The following PCDHA4 variants were observed in gnomAD, a reference collection of about 807,000 sequenced individuals.
PCDHA4 encodes the protein protocadherin alpha-4.
A neutral mutation model predicts 61.4 loss-of-function variants in PCDHA4; 49 were observed. The observed-to-expected ratio is 0.80, with a 90% CI of 0.63 to 1.01. The LOEUF (loss-of-function observed/expected upper bound fraction) is 1.01. PCDHA4 is among the 50% of genes least tolerant of loss of function. The probability of loss-of-function intolerance (pLI) is 0.00; values close to 1 mark genes in which losing one functional copy is unlikely to be tolerated. For synonymous variants in PCDHA4, 590 were observed against 550.3 expected, an observed-to-expected ratio of 1.07 and a Z score of -1.01; for missense variants, 1,254 against 1,235.8, an observed-to-expected ratio of 1.01 and a Z score of -0.22.
intron 1 of PCDHA4, chr5:140,968,943 T>G (rs1429261485): frequency 1.2e-6 from 2 of 1,614,128 alleles, no homozygotes; most frequent in Non-Finnish European, 1.7e-6. Context: ...ATCATCATTT[T>G]GAGCATCATC....
At chr5:140,947,086 CTG>C (rs1554218047) in intron 1 of PCDHA4, among the ~76,000 whole-genome samples, 1 of 151,518 alleles carries the variant, frequency 6.6e-6, no homozygotes, top group African/African-American at 2.4e-5. Context: ...AAACATCAGA[CTG>C]TAGCCCATAA....
At chr5:140,854,909 G>T (rs1295662316) in intron 1 of PCDHA4, among the ~76,000 whole-genome samples, 1 of 149,376 alleles carries the variant, frequency 6.7e-6, no homozygotes, top group Non-Finnish European at 1.5e-5. Flanking sequence ...AATATAACAG[G>T]GTTGAAAGCA....
intron 1 of PCDHA4, chr5:140,830,224 G>A (rs2150182996): frequency 6.2e-7 from 1 of 1,613,900 alleles, no homozygotes; most frequent in Non-Finnish European, 8.5e-7. Flanking sequence ...CCAGCCTGCT[G>A]GTCCTCACGC....
chr5:140,896,902 G>C (rs1427098120), intron 1 of PCDHA4, among the ~76,000 whole-genome samples: 1 of 152,044 alleles, frequency 6.6e-6, no homozygotes, highest in Non-Finnish European at 1.5e-5. Context: ...TTTGATACAA[G>C]CATGCAATGC....
intron 1 of PCDHA4, chr5:140,835,618 C>G: frequency 6.2e-7 from 1 of 1,613,946 alleles, no homozygotes; most frequent in Non-Finnish European, 8.5e-7. Flanking sequence ...CTGGACAGCG[C>G]TCTGGACCGC....
chr5:140,997,087 T>C (rs1218654416), intron 3 of PCDHA4, among the ~76,000 whole-genome samples: 4 of 152,156 alleles, frequency 2.6e-5, no homozygotes, highest in Non-Finnish European at 5.9e-5. Flanking sequence ...GAGTAGAAAG[T>C]GCAGAGTTCT....
At chr5:140,836,455 C>A in intron 1 of PCDHA4, 1 of 1,613,840 alleles carries the variant, frequency 6.2e-7, no homozygotes, top group Non-Finnish European at 8.5e-7. Context: ...GGCCCAGAGA[C>A]CGAGCTGGTG....
chr5:140,968,632 C>T, intron 1 of PCDHA4: 1 of 1,614,176 alleles, frequency 6.2e-7, no homozygotes, highest in Non-Finnish European at 8.5e-7. Flanking sequence ...GGCTTTTTTA[C>T]CATCTAGCCC....
intron 1 of PCDHA4, among the ~76,000 whole-genome samples, chr5:140,897,709 T>C (rs1471075981): frequency 6.6e-6 from 1 of 152,212 alleles, no homozygotes; most frequent in Non-Finnish European, 1.5e-5. Context: ...TACCCAGTAA[T>C]GGGATGGCTG....
rs2150255716 is a variant in PCDHA4 at position 140,836,221 on chromosome 5, C to T, written c.2385+26649C>T. ...GCGTGGCTTTCGTATGAGTTGCAAC[C>T]GGTGGCGGCCGGTGCGAGCATCCCG... On this transcript the variant is annotated intron_variant, in intron 1 of 3. Transcript: ENST00000530339. 9.9e-6 allele frequency: 16 copies of T among 1,613,802 alleles called. No homozygotes were observed. In the Admixed American group the frequency reaches 2.0e-4, roughly 20 times the overall value.
chr5:140,850,760 G>T lies in PCDHA4; in HGVS notation c.2385+41188G>T. 1.3e-6 allele frequency: 2 copies of T among 1,598,100 alleles called. 1 individual carries two copies. The highest frequency in any genetic ancestry group is 1.7e-6 in the Non-Finnish European group (2 of 1,167,646). On this transcript the variant is annotated intron_variant, in intron 1 of 3. Coordinates refer to ENST00000530339, the MANE Select transcript of PCDHA4 (RefSeq NM_018907.4). ...GTTGGTCGTACTCGCAGCAGAGGAGGCAGAGGGTGTGCTCTGGCGAGGGTA... is the reference window on the plus strand; with the variant it reads ...GTTGGTCGTACTCGCAGCAGAGGAGTCAGAGGGTGTGCTCTGGCGAGGGTA...
At chr5:140,856,876 G>A (rs1554149244) in intron 1 of PCDHA4, 1 of 1,596,004 alleles carries the variant, frequency 6.3e-7, no homozygotes, top group Non-Finnish European at 8.6e-7. Context: ...ACAAGGAAAT[G>A]ATGTATTCAT....
rs2150156019 is a variant in PCDHA4 at position 140,828,493 on chromosome 5, G to A, written c.2385+18921G>A. 45 of 1,614,112 alleles carry A rather than the reference G, an allele frequency of 2.8e-5. No individual in the cohort carries two copies. In the Middle Eastern group the frequency reaches 8.2e-4, roughly 29 times the overall value. ...TTAACGACAACCCGCCCTTGTTCCC[G>A]GTAGAGGAACAAAGAGTGCTGATTT... On this transcript the variant is annotated intron_variant, in intron 1 of 3. Transcript: ENST00000530339.
At chr5:140,876,337 G>T (rs1554168488) in intron 1 of PCDHA4, 1 of 1,614,016 alleles carries the variant, frequency 6.2e-7, no homozygotes, top group Admixed American at 1.7e-5. Flanking sequence ...GCCAGTGAGT[G>T]AGAAATGTAT....
intron 1 of PCDHA4, among the ~76,000 whole-genome samples, chr5:140,874,881 CCTAA>C (rs1562692558): frequency 6.6e-6 from 1 of 152,102 alleles, no homozygotes; most frequent in African/African-American, 2.4e-5. Context: ...AATACAAATT[CCTAA>C]CTTTCTCTAA....
intron 1 of PCDHA4, among the ~76,000 whole-genome samples, chr5:140,977,651 G>T (rs1554238723): frequency 6.6e-6 from 1 of 152,136 alleles, no homozygotes; most frequent in East Asian, 1.9e-4. Flanking sequence ...CCTTGACTTT[G>T]GCTAATTCTC....
intron 1 of PCDHA4, chr5:140,855,785 A>G (rs2043622079): frequency 4.7e-6 from 2 of 426,874 alleles, no homozygotes; most frequent in Non-Finnish European, 4.2e-6. Context: ...ACGTAAAAAA[A>G]GAATTAACAT....
At chr5:140,841,796 G>A in intron 1 of PCDHA4, 2 of 1,613,920 alleles carry the variant, frequency 1.2e-6, no homozygotes, top group Non-Finnish European at 8.5e-7. Flanking sequence ...GGGCGCGTCC[G>A]ATGCAGATGT....
At chr5:140,883,974 G>A (rs782820820) in intron 1 of PCDHA4, 6 of 1,612,844 alleles carry the variant, frequency 3.7e-6, no homozygotes, top group African/African-American at 2.7e-5. Flanking sequence ...CTGACGCCCG[G>A]GGCTGGCAGC....
Sources: gnomAD v4.1 joint callset for allele counts (sites outside exome capture counted in the v4.1 genomes callset) on GRCh38, gnomAD v4.1.1 for gene constraint, MANE v1.5 for transcripts, NCBI Gene and HGNC (gene_info 2026-07-23, HGNC 2026-07-21) for gene names.